ZNF106: variants seen among roughly 807,000 people sequenced by gnomAD.
ZNF106 encodes the protein SH3-domain binding protein 3.
A neutral mutation model predicts 195.1 loss-of-function variants in ZNF106; 67 were observed. The ratio of observed to expected loss-of-function variants is 0.34; its 90% CI spans 0.28 to 0.42. The LOEUF is 0.42. Among genes scored for constraint, ZNF106 ranks in the 10% least tolerant of loss-of-function variants. The probability of loss-of-function intolerance (pLI) is 1.00; values close to 1 mark genes in which losing one functional copy is unlikely to be tolerated. For missense variants in ZNF106, 2,118 were observed against 2,304.5 expected (o/e 0.92, Z 1.66); for synonymous variants, 784 against 818.6 (o/e 0.96, Z 0.72).
Position 42,417,375 on chromosome 15 carries a change from A to G in ZNF106, c.5665-15T>C, listed in dbSNP as rs2054496920. The stretch of plus-strand genomic sequence containing the variant: ...CCTGCAGCATCCTAGGAATGAAGGG[A>G]AAAGGGCCCATGAGAGAGAAGTCGA... On this transcript the variant is annotated splice_polypyrimidine_tract_variant and intron_variant, in intron 21 of 21. Coordinates refer to ENST00000564754, the MANE Select transcript of ZNF106 (RefSeq NM_001366845.3). 1.9e-6 allele frequency: 3 copies of G among 1,613,516 alleles called. No homozygotes were observed. The highest frequency in any genetic ancestry group is 1.7e-6 in the Non-Finnish European group (2 of 1,179,636).
rs776541881 is a variant in ZNF106, at chr15:42,422,634, GAAGT to G, written c.5254-18_5254-15del. The G allele has an allele frequency of 5.0e-6, 8 of 1,592,376 alleles. No individual in the cohort carries two copies. Among genetic ancestry groups the G allele is most frequent in the Admixed American group, 1.8e-5 (1 of 54,604 alleles). Reference sequence around the variant, plus strand: ...GAGCTCACCAGTCTATGTCAGAAGAGAAGTAAGAGTCACCAGACTGACTTTCGAG... The same window carrying G: ...GAGCTCACCAGTCTATGTCAGAAGAGAAGAGTCACCAGACTGACTTTCGAG... On this transcript the variant is annotated splice_polypyrimidine_tract_variant and intron_variant, in intron 17 of 21. Transcript: ENST00000564754.
rs1412033725 is a variant in ZNF106, at chr15:42,415,273, C to T, written c.*2031G>A. The T allele has an allele frequency of 1.7e-5, 6 of 351,678 alleles. No homozygotes were observed. In the Admixed American group the frequency reaches 1.8e-4, roughly 11 times the overall value. The allele number at this position is 351,678 out of a possible 1,614,324, so 21.8% of individuals were successfully genotyped here. A position where few individuals can be genotyped will look rare whatever the true frequency, so the allele number is the denominator to read the frequency against. On this transcript the variant is annotated 3_prime_UTR_variant, in exon 22 of 22. Transcript: ENST00000564754. ...AGTAGCTGAGACTACAGGCACATAC[C>T]ACCACACCCAGCTAATTTTTGTATT...
At chr15:42,426,790 T>C (rs1204062545) in intron 15 of ZNF106, among the ~76,000 whole-genome samples, 1 of 152,206 alleles carries the variant, frequency 6.6e-6, no homozygotes, top group East Asian at 1.9e-4. Context: ...TTAAATTTAC[T>C]TTCCTCTCCA....
chr15:42,441,971 C>T (rs1451212026), intron 10 of ZNF106, 102 bp downstream of exon 10: 13 of 855,484 alleles, frequency 1.5e-5, no homozygotes, highest in Non-Finnish European at 2.4e-5. Flanking sequence ...GTTGTACTTG[C>T]TCATTTTAGT....
chr15:42,447,325 G>A (rs997662890), intron 6 of ZNF106, among the ~76,000 whole-genome samples: 2 of 152,000 alleles, frequency 1.3e-5, no homozygotes, highest in Non-Finnish European at 2.9e-5. Flanking sequence ...GAGCAGTATG[G>A]ACAACATTGT....
intron 1 of ZNF106, among the ~76,000 whole-genome samples, chr15:42,478,121 A>T (rs2056823323): frequency 6.6e-6 from 1 of 151,778 alleles, no homozygotes; most frequent in Admixed American, 6.6e-5. Flanking sequence ...TTACATCAGA[A>T]TGTTACATTT....
intron 1 of ZNF106, among the ~76,000 whole-genome samples, chr15:42,489,041 G>A (rs548973873): frequency 4.1e-5 from 6 of 146,796 alleles, no homozygotes; most frequent in African/African-American, 1.5e-4. Context: ...TTGCGCCACT[G>A]CACTCCAGCC....
rs1308439510 is a variant in ZNF106, at chr15:42,439,113, TAGTGGGTTTTGCTCTGTAGAGTTCCA to T, written c.4438_4463del (p.Trp1480ArgfsTer8). ...CATCACACCCAGAACGAGACGTTTC[TAGTGGGTTTTGCTCTGTAGAGTTCCA>T]AATATCCTTTTTAGATGGGCTGTCT... is the stretch of plus-strand genomic sequence containing the variant. On this transcript the variant is annotated frameshift_variant, in exon 11 of 22. Coordinates refer to ENST00000564754, the MANE Select transcript of ZNF106 (RefSeq NM_001366845.3). LOFTEE classifies it high-confidence loss of function. The T allele has an allele frequency of 2.5e-6, 4 of 1,614,082 alleles. No individual in the cohort carries two copies. The highest frequency in any genetic ancestry group is 8.5e-7 in the Non-Finnish European group (1 of 1,180,040).
At chr15:42,470,287 G>A (rs564966944) in intron 2 of ZNF106, among the ~76,000 whole-genome samples, 6 of 152,128 alleles carry the variant, frequency 3.9e-5, no homozygotes, top group African/African-American at 1.4e-4. Flanking sequence ...TAGTTTATTT[G>A]GAGAAACCAG....
intron 1 of ZNF106, among the ~76,000 whole-genome samples, chr15:42,486,599 A>G (rs1202583158): frequency 2.0e-5 from 3 of 152,128 alleles, no homozygotes; most frequent in East Asian, 3.9e-4. Context: ...ATTTATTTCA[A>G]TGTTTAGTAT....
In ZNF106 at chr15:42,451,467, GT is replaced by G; in HGVS notation, c.804del (p.Gln268HisfsTer15). ...CAGTTAGAATTTCTGTTTCTGCCTGGTTGAAATTTGTCTCCAGGGCCACTGT... is the reference window on the plus strand; with the variant it reads ...CAGTTAGAATTTCTGTTTCTGCCTGGTGAAATTTGTCTCCAGGGCCACTGT... ...WNYSGPGDKF[Q>X]PGRNRNSNCQ... On this transcript the variant is annotated frameshift_variant, in exon 5 of 22. Coordinates refer to ENST00000564754, the MANE Select transcript of ZNF106 (RefSeq NM_001366845.3). LOFTEE classifies it high-confidence loss of function. The G allele has an allele frequency of 6.2e-7, 1 of 1,614,154 alleles. No individual in the cohort carries two copies. The highest frequency in any genetic ancestry group is 8.5e-7 in the Non-Finnish European group (1 of 1,180,036).
chr15:42,478,866 G>T (rs2056841100), intron 1 of ZNF106, among the ~76,000 whole-genome samples: 1 of 152,020 alleles, frequency 6.6e-6, no homozygotes, highest in African/African-American at 2.4e-5. Context: ...ATGTCACAGA[G>T]GATACCACAT....
At chr15:42,480,603 A>G (rs74009095) in intron 1 of ZNF106, among the ~76,000 whole-genome samples, 23,935 of 152,134 alleles carry the variant, frequency 0.16, 2,210 homozygotes, top group African/African-American at 0.23. Context: ...TTTTAGCAAC[A>G]CTTCTTTGCA....
At chr15:42,422,755 TACAA>T in intron 17 of ZNF106, 135 bp from the exon 18 acceptor site, 20 of 876,848 alleles carry the variant, frequency 2.3e-5, no homozygotes, top group Non-Finnish European at 3.0e-5. Flanking sequence ...GTATTAACTG[TACAA>T]ATACAGTTAA....
intron 1 of ZNF106, among the ~76,000 whole-genome samples, chr15:42,482,799 G>A (rs1340352310): frequency 6.6e-6 from 1 of 152,066 alleles, no homozygotes; most frequent in Non-Finnish European, 1.5e-5. Flanking sequence ...AAAGTGCTAG[G>A]ATTACAGGCG....
At chr15:42,463,125 T>A (rs992730085) in intron 3 of ZNF106, among the ~76,000 whole-genome samples, 7 of 152,096 alleles carry the variant, frequency 4.6e-5, no homozygotes, top group Non-Finnish European at 1.0e-4. Flanking sequence ...TTTAAATGGA[T>A]GATTAGTGAC....
At chr15:42,482,977 C>T (rs1327101158) in intron 1 of ZNF106, among the ~76,000 whole-genome samples, 1 of 152,162 alleles carries the variant, frequency 6.6e-6, no homozygotes, top group Admixed American at 6.5e-5. Flanking sequence ...TCTCCTCTCA[C>T]TTCCCAACAG....
intron 4 of ZNF106, among the ~76,000 whole-genome samples, chr15:42,456,473 A>G (rs879546377): frequency 1.3e-5 from 2 of 151,910 alleles, no homozygotes; most frequent in African/African-American, 4.8e-5. Flanking sequence ...ATGGGGTTAA[A>G]CCTCGTCTCT....
In ZNF106 at chr15:42,450,169, C is replaced by T. The variant is rs781095787; in HGVS notation, c.2103G>A (p.Gln701=). 4.3e-6 allele frequency: 7 copies of T among 1,614,208 alleles called. No individual in the cohort carries two copies. In the East Asian group the frequency reaches 1.3e-4, roughly 31 times the overall value. ...CATGAGATTTAATAGAGTCATCAAC[C>T]TGTGCATCTTCTAGAGAGGTTTTCA... ...LDLKTSLEDA[Q]VDDSIKSHVS... Residue 701 remains glutamine, a synonymous_variant, in exon 5 of 22, where the codon CAG becomes CAA. Transcript: ENST00000564754.
Sources: gnomAD v4.1 joint callset for allele counts (sites outside exome capture counted in the v4.1 genomes callset) on GRCh38, gnomAD v4.1.1 for gene constraint, MANE v1.5 for transcripts, NCBI Gene and HGNC (gene_info 2026-07-23, HGNC 2026-07-21) for gene names.